Variants in BAZ2A observed in about 807,000 individuals in gnomAD.
BAZ2A encodes the protein bromodomain adjacent to zinc finger domain 2A.
A neutral mutation model predicts 199.9 loss-of-function variants in BAZ2A; 34 were observed. That is an observed-to-expected ratio of 0.17 (90% CI 0.13 to 0.23). BAZ2A has a LOEUF of 0.23. Among genes scored for constraint, BAZ2A ranks in the 10% least tolerant of loss-of-function variants. BAZ2A has a pLI of 1.00. For missense variants in BAZ2A, 2,002 were observed against 2,391.1 expected (o/e 0.84, Z 3.39); for synonymous variants, 857 against 883.9 (o/e 0.97, Z 0.54).
chr12:56,614,869 G>A lies in BAZ2A; in HGVS notation c.730+145C>T, dbSNP rs959824323. The A allele has an allele frequency of 3.5e-6, 3 of 845,242 alleles. No individual in the cohort carries two copies. In the African/African-American group the frequency reaches 5.1e-5, roughly 14 times the overall value. 52.4% of individuals were successfully genotyped at this position (845,242 alleles called of 1,614,324 possible). A position where few individuals can be genotyped will look rare whatever the true frequency, so the allele number is the denominator to read the frequency against. ...CTGCCACAAAAACACCAGCCACTTG[G>A]CTCTGCTAATTGCTAATCACCAACA... On this transcript the variant is annotated intron_variant, in intron 3 of 28. Coordinates refer to ENST00000549884, the MANE Select transcript of BAZ2A (RefSeq NM_001300905.2).
chr12:56,614,022 G>A lies in BAZ2A; in HGVS notation c.847C>T (p.Pro283Ser), dbSNP rs570032594. 4 of 1,613,956 alleles carry A rather than the reference G, an allele frequency of 2.5e-6. No homozygotes were observed. The highest frequency in any genetic ancestry group is 3.4e-6 in the Non-Finnish European group (4 of 1,179,830). The change falls in exon 4 of 29, where the codon CCT becomes TCT. Residue 283 changes from proline to serine, a missense_variant. Physicochemically the swap from Pro to Ser is moderately conservative, Grantham distance 74. Around this residue, in one of 6 missense-constraint regions of BAZ2A, gnomAD observed 641 missense variants for 694.5 expected, o/e 0.92. Coordinates refer to ENST00000549884, the MANE Select transcript of BAZ2A (RefSeq NM_001300905.2). ...VSCLDDPSHLPDQLEDTPILS... is the reference protein window; with the variant it reads ...VSCLDDPSHLSDQLEDTPILS... ...ATTGGAGTGTCTTCCAGTTGATCAG[G>A]AAGATGTGAAGGATCATCTAAACAG...
At chr12:56,634,962 C>A, upstream of BAZ2A, 8 of 984,974 alleles carry the variant, frequency 8.1e-6, no homozygotes, top group Non-Finnish European at 8.4e-6. Context: ...AGGGCCGGGC[C>A]GCAGGCGGCG....
intron 10 of BAZ2A, 92 bp downstream of exon 10, chr12:56,609,644 C>T: frequency 2.3e-6 from 3 of 1,300,510 alleles, no homozygotes; most frequent in South Asian, 2.6e-5. Context: ...ATGTTAGTTA[C>T]ACTCCTGGGA....
chr12:56,622,815 A>G (rs184488253), intron 1 of BAZ2A, among the ~76,000 whole-genome samples: 4 of 152,336 alleles, frequency 2.6e-5, no homozygotes, highest in Admixed American at 6.5e-5. Flanking sequence ...TGTTTCATTT[A>G]TAAGAGTAAG....
chr12:56,635,667 C>T lies in BAZ2A; in HGVS notation c.4+515G>A, dbSNP rs1357957020. On this transcript the variant is annotated intron_variant, in intron 1 of 29. Transcript: ENST00000379441. This position sits in a 1 kb window ranked among gnomAD's most constrained non-coding sequence, Gnocchi z 4.1. ...GGTTCAGTTTTCCCCCAACCACCAC[C>T]ACCCTTGCTTCAGTCTCTGGGGCAA... is the stretch of plus-strand genomic sequence containing the variant. Among the ~76,000 whole-genome samples the T allele has an allele frequency of 6.6e-6, 1 of 152,162 alleles. No homozygotes were observed. The highest frequency in any genetic ancestry group is 1.5e-5 in the Non-Finnish European group (1 of 68,038).
intron 26 of BAZ2A, 107 bp from the exon 27 acceptor site, chr12:56,599,465 TA>T: frequency 7.4e-7 from 1 of 1,343,068 alleles, no homozygotes; most frequent in South Asian, 1.4e-5. Context: ...CTATCATGCA[TA>T]AGCCGGCATT....
intron 1 of BAZ2A, among the ~76,000 whole-genome samples, chr12:56,623,080 G>C (rs1950972326): frequency 1.3e-5 from 2 of 151,806 alleles, no homozygotes; most frequent in Admixed American, 1.3e-4. Flanking sequence ...ACTAAAAATA[G>C]AAAAAATTAG....
chr12:56,605,814 ACT>A lies in BAZ2A; in HGVS notation c.2493+14_2493+15del. On this transcript the variant is annotated intron_variant, in intron 13 of 28. Transcript: ENST00000549884. ...CTTCCCAGCTGACCCAGGAACTGTTACTCTCTCCTCACTACCTGGTGGTCAGT... is the reference window on the plus strand; with the variant it reads ...CTTCCCAGCTGACCCAGGAACTGTTACTCTCCTCACTACCTGGTGGTCAGT... 2 of 1,597,394 alleles carry A rather than the reference ACT, an allele frequency of 1.3e-6. No individual in the cohort carries two copies. Among genetic ancestry groups the A allele is most frequent in the Non-Finnish European group, 1.7e-6 (2 of 1,172,476 alleles).
chr12:56,618,944 C>T (rs922761047), intron 1 of BAZ2A, among the ~76,000 whole-genome samples: 1 of 152,034 alleles, frequency 6.6e-6, no homozygotes, highest in Non-Finnish European at 1.5e-5. Context: ...CACCTATAAT[C>T]CCAATACTTT....
At chr12:56,625,890 A>C (rs982639913) in intron 1 of BAZ2A, among the ~76,000 whole-genome samples, 5 of 151,476 alleles carry the variant, frequency 3.3e-5, no homozygotes, top group Non-Finnish European at 5.9e-5. Context: ...AAAAAAAAAA[A>C]AAAAAAACAA....
intron 14 of BAZ2A, 83 bp downstream of exon 14, chr12:56,604,990 G>A: frequency 6.7e-7 from 1 of 1,493,982 alleles, no homozygotes; most frequent in Admixed American, 2.3e-5. Flanking sequence ...AAAAGAAATG[G>A]AAAAATATAA....
At chr12:56,613,582 C>A (rs1043652058) in intron 4 of BAZ2A, among the ~76,000 whole-genome samples, 4 of 152,196 alleles carry the variant, frequency 2.6e-5, no homozygotes, top group African/African-American at 7.2e-5. Flanking sequence ...TAGGATTTAT[C>A]ATAAAATATG....
rs1340906896 is a variant in BAZ2A at position 56,608,864 on chromosome 12, TG to T, written c.2092+871del. ...GATTACAGGCGTGAGCCACCGTGCC[TG>T]GCTTTTTTTTTTTTTTTTTTTTTTT... On this transcript the variant is annotated intron_variant, in intron 10 of 28. Coordinates refer to ENST00000549884, the MANE Select transcript of BAZ2A (RefSeq NM_001300905.2). 5.7e-4 allele frequency among the ~76,000 whole-genome samples: 78 copies of T among 138,018 alleles called. 2 individuals carry two copies. Among genetic ancestry groups the T allele is most frequent in the African/African-American group, 2.2e-3 (74 of 33,534 alleles). The allele number at this position is 138,018 out of a possible 152,430, so 90.5% of individuals were successfully genotyped here. A position where few individuals can be genotyped will look rare whatever the true frequency, so the allele number is the denominator to read the frequency against.
chr12:56,603,277 T>C, intron 18 of BAZ2A, 82 bp downstream of exon 18: 2 of 1,450,704 alleles, frequency 1.4e-6, no homozygotes. Flanking sequence ...AGAATAAAAA[T>C]TAAAATTCAG....
At chr12:56,636,397 G>A (rs1445905025), upstream of BAZ2A, 1 of 1,363,816 alleles carries the variant, frequency 7.3e-7, no homozygotes, top group Non-Finnish European at 9.6e-7. Context: ...GGAGGGAGGA[G>A]GGAAGGGCGG....
Position 56,610,399 on chromosome 12 carries a change from G to C in BAZ2A, c.1779+10C>G. On this transcript the variant is annotated intron_variant, in intron 8 of 28. Coordinates refer to ENST00000549884, the MANE Select transcript of BAZ2A (RefSeq NM_001300905.2). ...CCAAGAAAGCAGTCCTTTAAAAAAA[G>C]CTACATTACCTTGATCACTTCTGGA... 6.2e-7 allele frequency: 1 copy of C among 1,612,650 alleles called. No homozygotes were observed. The highest frequency in any genetic ancestry group is 8.5e-7 in the Non-Finnish European group (1 of 1,179,144).
upstream of BAZ2A, chr12:56,630,863 T>G (rs1233200745): frequency 2.9e-5 from 29 of 985,404 alleles, 1 homozygote; most frequent in African/African-American, 3.5e-5. Flanking sequence ...AAAGGAAAGA[T>G]TCCTGTGCGT....
chr12:56,606,749 G>GA lies in BAZ2A; in HGVS notation c.2093-17dup. ...TTCAATGTTTCTGTGAGAGCAGAAA[G>GA]AAAAATGAAACAAGTGAGGCAGGAA... On this transcript the variant is annotated splice_polypyrimidine_tract_variant and intron_variant, in intron 10 of 28. Transcript: ENST00000549884. The GA allele has an allele frequency of 6.2e-7, 1 of 1,601,948 alleles. No homozygotes were observed. The highest frequency in any genetic ancestry group is 8.6e-7 in the Non-Finnish European group (1 of 1,169,456).
At position 56,604,620 on chromosome 12, in the gene BAZ2A, A is replaced by C; in HGVS notation, c.2928T>G (p.Leu976=). Residue 976 remains leucine, a synonymous_variant, in exon 15 of 29, where the codon CTT becomes CTG. Transcript: ENST00000549884. ...GGGTGGAGCCATTGAGCTCATGCACAAGGAAGGCCAGGACAGCAGCCTTCT... is the reference window on the plus strand; with the variant it reads ...GGGTGGAGCCATTGAGCTCATGCACCAGGAAGGCCAGGACAGCAGCCTTCT... The part of the protein sequence containing the change: ...PQQKAAVLAF[L]VHELNGSTLI... 1.9e-6 allele frequency: 3 copies of C among 1,602,912 alleles called. No homozygotes were observed. The highest frequency in any genetic ancestry group is 2.6e-6 in the Non-Finnish European group (3 of 1,174,730).
Sources: gnomAD v4.1 joint callset for allele counts (sites outside exome capture counted in the v4.1 genomes callset) on GRCh38, gnomAD v4.1.1 for gene constraint, gnomAD v4.1.1 regional missense constraint, Gnocchi (gnomAD v3.1) non-coding constraint, MANE v1.5 for transcripts, NCBI Gene and HGNC (gene_info 2026-07-23, HGNC 2026-07-21) for gene names.